The following CLNK variants were observed in gnomAD, a reference collection of about 807,000 sequenced individuals.
The protein encoded by CLNK is cytokine dependent hematopoietic cell linker.
CLNK carries 74 observed loss-of-function variants against 68.6 expected under a neutral mutation model. That is an observed-to-expected ratio of 1.08 (90% confidence interval 0.89 to 1.31). The LOEUF (loss-of-function observed/expected upper bound fraction) is 1.31. Among genes scored for constraint, CLNK ranks in the 50% most tolerant of loss-of-function variants. CLNK has a pLI of 0.00. For synonymous variants in CLNK, 198 were observed against 172.2 expected (o/e 1.15, Z -1.17); for missense variants, 553 against 515.3 (o/e 1.07, Z -0.71).
At chr4:10,674,261 AG>A (rs370485566) in intron 1 of CLNK, among the ~76,000 whole-genome samples, 40 of 152,230 alleles carry the variant, frequency 2.6e-4, no homozygotes, top group African/African-American at 7.9e-4. Flanking sequence ...AAAGGAGCCC[AG>A]GGTCCTCCAG....
intron 2 of CLNK, among the ~76,000 whole-genome samples, chr4:10,631,576 G>GTCCTCATCTTATTT (rs1447547628): frequency 4.2e-4 from 64 of 152,218 alleles, no homozygotes; most frequent in Non-Finnish European, 8.2e-4. Context: ...ATATGCAATG[G>GTCCTCATCTTATTT]TCAGGAACTA....
At chr4:10,667,770 C>A in intron 2 of CLNK, 89 bp downstream of exon 2, 1 of 1,287,316 alleles carries the variant, frequency 7.8e-7, no homozygotes, top group Non-Finnish European at 1.1e-6. Flanking sequence ...GCCACATTGG[C>A]ATCATTTCTC....
At chr4:10,643,875 C>T (rs925944914) in intron 2 of CLNK, among the ~76,000 whole-genome samples, 4 of 152,146 alleles carry the variant, frequency 2.6e-5, no homozygotes, top group African/African-American at 9.7e-5. Context: ...ACTGTAGTTC[C>T]CTAGATCATG....
chr4:10,601,206 C>T (rs542639695), intron 2 of CLNK, among the ~76,000 whole-genome samples: 4 of 152,152 alleles, frequency 2.6e-5, no homozygotes, highest in Admixed American at 6.5e-5. Context: ...CACATCTCTT[C>T]GCCTGTCTCC....
upstream of CLNK, among the ~76,000 whole-genome samples, chr4:10,689,189 C>T (rs1205817460): frequency 4.0e-5 from 6 of 151,576 alleles, no homozygotes; most frequent in African/African-American, 1.2e-4. Flanking sequence ...AGACTGAGTG[C>T]AGTGATGCTA....
At chr4:10,723,882 C>CAGAGAGAGAGAGAGAG in the CLNK span, among the ~76,000 whole-genome samples, 260 of 70,918 alleles carry the variant, frequency 3.7e-3, 10 homozygotes, top group African/African-American at 9.5e-3. Flanking sequence ...ACACAGGAGT[C>CAGAGAGAGAGAGAGAG]AGAGAGAGAG....
At chr4:10,558,300 C>G (rs1323676367) in intron 8 of CLNK, 107 bp downstream of exon 8, 2 of 884,294 alleles carry the variant, frequency 2.3e-6, no homozygotes, top group African/African-American at 3.3e-5. Flanking sequence ...CAATAGATCA[C>G]CTTGTGTAAG....
At chr4:10,617,392 T>A (rs1200044624) in intron 2 of CLNK, among the ~76,000 whole-genome samples, 1 of 152,158 alleles carries the variant, frequency 6.6e-6, no homozygotes, top group Non-Finnish European at 1.5e-5. Context: ...GTTAATAGGA[T>A]TGATGTGTGC....
chr4:10,596,849 T>A (rs1721405114), intron 3 of CLNK, among the ~76,000 whole-genome samples: 1 of 152,240 alleles, frequency 6.6e-6, no homozygotes, highest in Non-Finnish European at 1.5e-5. Context: ...CTGTAAATAT[T>A]ACTTTGATGT....
chr4:10,693,508 G>A, the CLNK span, among the ~76,000 whole-genome samples: 1 of 152,214 alleles, frequency 6.6e-6, no homozygotes, highest in Non-Finnish European at 1.5e-5. Context: ...GCCTAGGGCT[G>A]CCAGAAGCTG....
chr4:10,506,362 A>T (rs973809388), intron 17 of CLNK, among the ~76,000 whole-genome samples: 1 of 152,214 alleles, frequency 6.6e-6, no homozygotes, highest in Non-Finnish European at 1.5e-5. Flanking sequence ...GAAGCACACC[A>T]GTGAGATGCA....
chr4:10,597,318 T>C (rs1419630456), intron 3 of CLNK, among the ~76,000 whole-genome samples: 1 of 152,196 alleles, frequency 6.6e-6, no homozygotes, highest in Non-Finnish European at 1.5e-5. Context: ...CATGAGGATG[T>C]GGCCCAGGTT....
chr4:10,621,084 A>C (rs1305854428), intron 2 of CLNK, among the ~76,000 whole-genome samples: 1 of 152,166 alleles, frequency 6.6e-6, no homozygotes, highest in Non-Finnish European at 1.5e-5. Flanking sequence ...TGACAGAGCG[A>C]GACTCCGTCT....
chr4:10,602,318 T>C (rs1264306216), intron 2 of CLNK, among the ~76,000 whole-genome samples: 3 of 152,166 alleles, frequency 2.0e-5, no homozygotes, highest in Admixed American at 1.3e-4. Context: ...CCAAGGTGTA[T>C]GTCTACCCCA....
At chr4:10,516,322 C>T (rs1717834506) in intron 15 of CLNK, among the ~76,000 whole-genome samples, 1 of 152,114 alleles carries the variant, frequency 6.6e-6, no homozygotes, top group Non-Finnish European at 1.5e-5. Flanking sequence ...ACCAAAGTTA[C>T]AGTTATGGTT....
At chr4:10,504,838 G>A (rs918526163) in intron 17 of CLNK, among the ~76,000 whole-genome samples, 5 of 152,130 alleles carry the variant, frequency 3.3e-5, no homozygotes, top group Admixed American at 6.5e-5. Context: ...CATTTTGACA[G>A]AACTGAGACA....
chr4:10,542,140 G>T, intron 9 of CLNK, 99 bp from the exon 10 acceptor site: 1 of 1,237,092 alleles, frequency 8.1e-7, no homozygotes, highest in Non-Finnish European at 1.2e-6. Context: ...TACAAATTGT[G>T]ATCAGACTTA....
chr4:10,597,828 C>T, intron 3 of CLNK, 150 bp downstream of exon 3: 1 of 616,712 alleles, frequency 1.6e-6, no homozygotes, highest in East Asian at 2.8e-5. Context: ...CAGCCAATCC[C>T]CTTCTCCTGC....
Position 10,663,526 on chromosome 4 carries a change from T to C in CLNK, c.11+4333A>G, listed in dbSNP as rs868152925. ...TTGTATATGATTTATGTATACTCAA[T>C]AAATGCTTTTGACTGAACTGATACA... On this transcript the variant is annotated intron_variant, in intron 2 of 18. Transcript: ENST00000226951. Among the ~76,000 whole-genome samples the C allele has an allele frequency of 2.6e-5, 4 of 152,314 alleles. No homozygotes were observed. In the South Asian group the frequency reaches 8.3e-4, roughly 32 times the overall value.
Sources: gnomAD v4.1 joint callset for allele counts (sites outside exome capture counted in the v4.1 genomes callset) on GRCh38, gnomAD v4.1.1 for gene constraint, MANE v1.5 for transcripts, NCBI Gene and HGNC (gene_info 2026-07-23, HGNC 2026-07-21) for gene names.